CRB2: variants seen among roughly 807,000 people sequenced by gnomAD.
CRB2 encodes the protein protein crumbs homolog 2.
Under a neutral mutation model 110.9 loss-of-function variants are expected in CRB2, and 85 were observed. That is an observed-to-expected ratio of 0.77 (90% CI 0.64 to 0.92). The LOEUF (loss-of-function observed/expected upper bound fraction) is 0.92, where lower values mean the gene tolerates loss of function less well. CRB2 is among the 40% of genes least tolerant of loss of function. The probability of loss-of-function intolerance (pLI) is 0.00; values close to 1 mark genes in which losing one functional copy is unlikely to be tolerated. For synonymous variants in CRB2, 907 were observed against 831.0 expected, an observed-to-expected ratio of 1.09 and a Z score of -1.57; for missense variants, 1,843 against 1,851.3, an observed-to-expected ratio of 1.00 and a Z score of 0.08.
chr9:123,365,913 C>T lies in CRB2; in HGVS notation c.419-4C>T. On this transcript the variant is annotated splice_polypyrimidine_tract_variant and splice_region_variant and intron_variant, in intron 2 of 12. Coordinates refer to ENST00000373631, the MANE Select transcript of CRB2 (RefSeq NM_173689.7). Reference sequence around the variant, plus strand: ...GCACCCTGTGTGTCCCCTGCCCTGTCCAGGCGTGACCTGCGAGATGGAGGT... The same window carrying T: ...GCACCCTGTGTGTCCCCTGCCCTGTTCAGGCGTGACCTGCGAGATGGAGGT... 1 of 1,590,956 alleles carries T rather than the reference C, an allele frequency of 6.3e-7. No individual in the cohort carries two copies. The highest frequency in any genetic ancestry group is 8.5e-7 in the Non-Finnish European group (1 of 1,176,154).
chr9:123,374,169 C>T (rs2042067142), intron 10 of CRB2: 5 of 652,884 alleles, frequency 7.7e-6, no homozygotes. Context: ...GCCGCTTACA[C>T]GGAGGTTCAT....
chr9:123,370,389 G>T lies in CRB2; in HGVS notation c.1336G>T (p.Gly446Trp), dbSNP rs760664924. ...GAATACCACCTTCTCTGTGATGGCT[G>T]GGAGCCCCATTCAGGCATCAGTGCC... ...GQNTTFSVMA[G>W]SPIQASVPAG... Residue 446 changes from glycine to tryptophan, a missense_variant, in exon 7 of 13, where the codon GGG becomes TGG. Coordinates refer to ENST00000373631, the MANE Select transcript of CRB2 (RefSeq NM_173689.7). 1 of 1,613,698 alleles carries T rather than the reference G, an allele frequency of 6.2e-7. No homozygotes were observed. Among genetic ancestry groups the T allele is most frequent in the South Asian group, 1.1e-5 (1 of 91,084 alleles).
intron 12 of CRB2, 73 bp downstream of exon 12, chr9:123,375,416 A>C (rs2042088416): frequency 6.8e-7 from 1 of 1,468,026 alleles, no homozygotes; most frequent in Non-Finnish European, 9.1e-7. Context: ...CTGGGGAGAG[A>C]GCGCAGCACC....
chr9:123,368,758 T>A (rs897775827), intron 6 of CRB2: 4 of 1,135,880 alleles, frequency 3.5e-6, no homozygotes, highest in Admixed American at 8.5e-5. Context: ...ATGCTGGGCA[T>A]GGGGGAGGCC....
chr9:123,366,205 T>C, intron 3 of CRB2, 22 bp from the exon 4 acceptor site: 1 of 1,404,768 alleles, frequency 7.1e-7, no homozygotes. Context: ...CGCGCTCAGC[T>C]CCGCCGGTGC....
At position 123,377,189 on chromosome 9, in the gene CRB2, T is replaced by TCTGCCTCTGCCC. The variant is rs1363821359; in HGVS notation, c.*129_*140dup. 2 of 849,610 alleles carry TCTGCCTCTGCCC rather than the reference T, an allele frequency of 2.4e-6. No homozygotes were observed. Among genetic ancestry groups the TCTGCCTCTGCCC allele is most frequent in the African/African-American group, 3.4e-5 (2 of 58,432 alleles). 52.6% of individuals were successfully genotyped at this position (849,610 alleles called of 1,614,324 possible). ...GTCCCCTTGGCTGGCAGCCTCTGCC[T>TCTGCCTCTGCCC]CTGCCTCTGCCCCATCCTGGATGGA... On this transcript the variant is annotated 3_prime_UTR_variant, in exon 13 of 13. Transcript: ENST00000373631.
At chr9:123,361,921 G>A (rs1232620049) in intron 1 of CRB2, among the ~76,000 whole-genome samples, 1 of 152,208 alleles carries the variant, frequency 6.6e-6, no homozygotes. Flanking sequence ...AGGAGGAGAG[G>A]AAGGGGGATG....
At chr9:123,366,507 T>C in intron 4 of CRB2, 141 bp downstream of exon 4, 1 of 1,067,838 alleles carries the variant, frequency 9.4e-7, no homozygotes, top group Non-Finnish European at 1.3e-6. Flanking sequence ...GATTGCAACC[T>C]GTCGGAGCCT....
At chr9:123,365,271 A>C (rs2041915830) in intron 2 of CRB2, among the ~76,000 whole-genome samples, 1 of 152,118 alleles carries the variant, frequency 6.6e-6, no homozygotes, top group South Asian at 2.1e-4. Context: ...TCAAAAAAAT[A>C]AAAAACAAAA....
At position 123,357,464 on chromosome 9, in the gene CRB2, G is replaced by A. The variant is rs2488604; in HGVS notation, c.94+1110G>A. On this transcript the variant is annotated intron_variant, in intron 1 of 12. Coordinates refer to ENST00000373631, the MANE Select transcript of CRB2 (RefSeq NM_173689.7). ...CCACCTGGGGACCCTCATGTTTCCCGCACTCACAAAGCTTTCATTTCCTAT... is the reference window on the plus strand; with the variant it reads ...CCACCTGGGGACCCTCATGTTTCCCACACTCACAAAGCTTTCATTTCCTAT... Among the ~76,000 whole-genome samples the A allele has an allele frequency of 7.8e-3, 1,185 of 152,190 alleles. 19 individuals carry two copies. The highest frequency in any genetic ancestry group is 0.027 in the African/African-American group (1,134 of 41,506).
chr9:123,369,499 G>A (rs983241062), intron 6 of CRB2, among the ~76,000 whole-genome samples: 3 of 152,126 alleles, frequency 2.0e-5, no homozygotes, highest in Non-Finnish European at 4.4e-5. Flanking sequence ...TGCAGGATGA[G>A]TAGGAGTTTG....
intron 2 of CRB2, 129 bp from the exon 3 acceptor site, chr9:123,365,788 C>T: frequency 2.4e-6 from 2 of 849,268 alleles, no homozygotes; most frequent in Non-Finnish European, 1.7e-6. Context: ...CCCCCAACCA[C>T]CACCACCACC....
In CRB2 at chr9:123,374,674, T is replaced by G. The variant is rs780278567; in HGVS notation, c.3485T>G (p.Leu1162Arg). ...TCTCCCGCTGCCAACTGCAGCTGCC[T>G]GGAGGGTCTTGCTGGCCAGAGGTGG... ...GGSPAANCSCLEGLAGQRCQV... is the reference protein window; with the variant it reads ...GGSPAANCSCREGLAGQRCQV... Residue 1162 changes from leucine to arginine, a missense_variant, in exon 11 of 13, where the codon CTG becomes CGG. Transcript: ENST00000373631. 1 of 1,610,990 alleles carries G rather than the reference T, an allele frequency of 6.2e-7. No individual in the cohort carries two copies. The highest frequency in any genetic ancestry group is 1.7e-5 in the Admixed American group (1 of 60,002).
rs550272512 is a variant in CRB2 at position 123,365,995 on chromosome 9, G to T, written c.497G>T (p.Gly166Val). The stretch of plus-strand genomic sequence containing the variant: ...GGGGGCTCGTGCCTGGACGGCGTGG[G>T]CTCCTTCCGCTGTGTGTGCGCGCCA... Reference protein sequence around the residue: ...LHGGSCLDGVGSFRCVCAPGY... With the variant: ...LHGGSCLDGVVSFRCVCAPGY... Residue 166 changes from glycine to valine, a missense_variant, in exon 3 of 13, where the codon GGC becomes GTC. By Grantham distance (109) the Gly-to-Val change is moderately radical. Coordinates refer to ENST00000373631, the MANE Select transcript of CRB2 (RefSeq NM_173689.7). 2.5e-6 allele frequency: 4 copies of T among 1,596,698 alleles called. No individual in the cohort carries two copies. In the South Asian group the frequency reaches 4.4e-5, roughly 18 times the overall value.
intron 9 of CRB2, 124 bp downstream of exon 9, chr9:123,372,466 G>C (rs567118641): frequency 7.9e-7 from 1 of 1,268,536 alleles, no homozygotes; most frequent in Non-Finnish European, 1.1e-6. Context: ...CTAGGGCAGT[G>C]TGGCGGGGCC....
Position 123,359,538 on chromosome 9 carries a change from C to T in CRB2, c.94+3184C>T, listed in dbSNP as rs116525055. Among the ~76,000 whole-genome samples the T allele has an allele frequency of 5.3e-3, 788 of 150,072 alleles. 5 individuals carry two copies. The highest frequency in any genetic ancestry group is 0.018 in the African/African-American group (735 of 40,424). ...ATCATAGCCCACTGTAGCCTCGACA[C>T]CCTGGGCTCAAGCCATCCTCCCACC... On this transcript the variant is annotated intron_variant, in intron 1 of 12. Coordinates refer to ENST00000373631, the MANE Select transcript of CRB2 (RefSeq NM_173689.7).
intron 6 of CRB2, 24 bp downstream of exon 6, chr9:123,367,710 G>C: frequency 7.5e-6 from 11 of 1,467,672 alleles, no homozygotes; most frequent in Non-Finnish European, 9.3e-6. Context: ...GGTGGGCCCT[G>C]GGACCATCAG....
intron 4 of CRB2, 133 bp downstream of exon 4, chr9:123,366,499 T>C (rs966965590): frequency 6.8e-5 from 76 of 1,125,064 alleles, no homozygotes; most frequent in Non-Finnish European, 8.7e-5. Flanking sequence ...GTGTGTGTGA[T>C]TGCAACCTGT....
intron 6 of CRB2, chr9:123,369,031 G>A (rs576250626): frequency 5.9e-6 from 6 of 1,020,788 alleles, no homozygotes; most frequent in Non-Finnish European, 6.1e-6. Flanking sequence ...TGAGCTGATC[G>A]AGGCTGGGCT....
Sources: allele counts gnomAD v4.1 joint callset (sites outside exome capture counted in the v4.1 genomes callset), GRCh38; gene constraint gnomAD v4.1.1; transcripts MANE v1.5; gene names NCBI Gene and HGNC (gene_info 2026-07-23, HGNC 2026-07-21).